MAST2: variants seen among roughly 807,000 people sequenced by gnomAD.
MAST2 encodes microtubule-associated serine/threonine-protein kinase 2.
Under a neutral mutation model 147.4 loss-of-function variants are expected in MAST2, and 70 were observed. That is an observed-to-expected ratio of 0.47 (90% confidence interval 0.39 to 0.58). The LOEUF is 0.58. Among genes scored for constraint, MAST2 ranks in the 20% least tolerant of loss-of-function variants. The pLI is 0.00. For missense variants in MAST2, 2,080 were observed against 2,302.3 expected (o/e 0.90, Z 1.98); for synonymous variants, 869 against 896.8 (o/e 0.97, Z 0.55).
intron 4 of MAST2, among the ~76,000 whole-genome samples, chr1:45,886,313 T>TACACAC (rs56032969): frequency 1.6e-3 from 231 of 145,588 alleles, no homozygotes; most frequent in African/African-American, 5.5e-3. Flanking sequence ...TATCTATAAG[T>TACACAC]ACACACACAC....
intron 4 of MAST2, among the ~76,000 whole-genome samples, chr1:45,898,022 T>C (rs1471740886): frequency 6.6e-6 from 1 of 151,894 alleles, no homozygotes; most frequent in African/African-American, 2.4e-5. Flanking sequence ...GGTGGGAGAA[T>C]CGCTTGAACC....
intron 4 of MAST2, among the ~76,000 whole-genome samples, chr1:45,953,721 G>A (rs955180060): frequency 2.6e-5 from 4 of 152,194 alleles, no homozygotes; most frequent in Non-Finnish European, 1.5e-5. Flanking sequence ...GGAAGGTTTT[G>A]AGCAGAGGAA....
intron 4 of MAST2, among the ~76,000 whole-genome samples, chr1:45,946,199 A>G (rs896924190): frequency 1.3e-5 from 2 of 152,094 alleles, no homozygotes; most frequent in Non-Finnish European, 1.5e-5. Flanking sequence ...TTTTTCTCCT[A>G]TCTCTTTTAC....
At chr1:45,899,335 G>A (rs1426525175) in intron 4 of MAST2, among the ~76,000 whole-genome samples, 1 of 87,466 alleles carries the variant, frequency 1.1e-5, no homozygotes, top group African/African-American at 4.4e-5. Context: ...TTTAGATTCA[G>A]GGGTACATGT....
chr1:46,035,043 G>C lies in MAST2; in HGVS notation c.4374G>C (p.Leu1458=). Residue 1458 remains leucine (L), a synonymous_variant, in exon 29 of 29, where the codon CTG becomes CTC. Coordinates refer to ENST00000361297, the MANE Select transcript of MAST2 (RefSeq NM_015112.3). The surrounding 1 kb of genome is among the most constrained non-coding windows in gnomAD (Gnocchi z 5.5). ...AGGTAGTTGGAGCCAGGAGTGTGCT[G>C]TCTGGCAAGGGGGCCCTGCCAGGGA... The part of the protein sequence containing the change: ...PLEVVGARSV[L]SGKGALPGKG... The C allele has an allele frequency of 4.3e-6, 7 of 1,613,938 alleles. No individual in the cohort carries two copies. The highest frequency in any genetic ancestry group is 5.9e-6 in the Non-Finnish European group (7 of 1,180,004).
At position 45,950,493 on chromosome 1, in the gene MAST2, C is replaced by T. The variant is rs187926944; in HGVS notation, c.501-8893C>T. 1.7e-4 allele frequency among the ~76,000 whole-genome samples: 26 copies of T among 152,234 alleles called. No individual in the cohort carries two copies. In the East Asian group the frequency reaches 3.3e-3, roughly 19 times the overall value. ...AATAGGGCTTTTAATAAAGGAAAGA[C>T]GTCTCCCTTGAAAATTTCTACCTGT... On this transcript the variant is annotated intron_variant, in intron 4 of 28. Coordinates refer to ENST00000361297, the MANE Select transcript of MAST2 (RefSeq NM_015112.3).
intron 2 of MAST2, among the ~76,000 whole-genome samples, chr1:45,827,510 G>A (rs1385546360): frequency 6.6e-6 from 1 of 152,122 alleles, no homozygotes; most frequent in Non-Finnish European, 1.5e-5. Flanking sequence ...AATAGGATAA[G>A]TTAAGCTGAC....
At chr1:45,880,752 G>A (rs542590360) in intron 3 of MAST2, among the ~76,000 whole-genome samples, 1 of 152,146 alleles carries the variant, frequency 6.6e-6, no homozygotes, top group South Asian at 2.1e-4. Context: ...AGACCAAGGT[G>A]GGAGGATCAC....
At position 45,847,360 on chromosome 1, in the gene MAST2, A is replaced by G. The variant is rs116508319; in HGVS notation, c.468+17779A>G. On this transcript the variant is annotated intron_variant, in intron 3 of 28. Transcript: ENST00000361297. ...TCCAACTCACTGCTAAATCAATTTA[A>G]TTTAAGTACCTTTCAGTTAGTTCAC... The G allele has an allele frequency of 2.8e-3, 1,426 of 501,760 alleles. 19 individuals carry two copies. The highest frequency in any genetic ancestry group is 0.026 in the African/African-American group (1,324 of 50,250). The allele number at this position is 501,760 out of a possible 1,614,324, so 31.1% of individuals were successfully genotyped here.
chr1:45,943,224 C>T (rs956262862), intron 4 of MAST2, among the ~76,000 whole-genome samples: 3 of 152,128 alleles, frequency 2.0e-5, no homozygotes, highest in African/African-American at 7.2e-5. Context: ...ATGGGTGGGA[C>T]AAATTAGCAG....
chr1:45,814,558 G>T (rs1183494652), intron 1 of MAST2, among the ~76,000 whole-genome samples: 8 of 152,146 alleles, frequency 5.3e-5, no homozygotes, highest in Admixed American at 3.9e-4. Context: ...ACACCAAGGC[G>T]GGTGTATCAC....
intron 4 of MAST2, among the ~76,000 whole-genome samples, chr1:45,893,531 G>A (rs1276017291): frequency 1.3e-5 from 2 of 150,808 alleles, no homozygotes; most frequent in South Asian, 2.1e-4. Flanking sequence ...GTGAGCCACC[G>A]CACCTGGCCA....
intron 3 of MAST2, among the ~76,000 whole-genome samples, chr1:45,836,465 A>G (rs1645103762): frequency 1.3e-5 from 2 of 152,140 alleles, no homozygotes; most frequent in Non-Finnish European, 2.9e-5. Flanking sequence ...TTTAATTTAT[A>G]TTATTTTAGT....
intron 3 of MAST2, among the ~76,000 whole-genome samples, chr1:45,880,481 G>A (rs1480909632): frequency 6.6e-6 from 1 of 152,140 alleles, no homozygotes; most frequent in African/African-American, 2.4e-5. Context: ...TTTTGATAGA[G>A]ATTTAGGTTA....
intron 3 of MAST2, among the ~76,000 whole-genome samples, chr1:45,836,591 T>A (rs1458496647): frequency 6.6e-6 from 1 of 152,192 alleles, no homozygotes. Flanking sequence ...GATTCCAAAT[T>A]CAGCACTTCC....
chr1:45,825,219 G>T (rs2148709947), intron 2 of MAST2, among the ~76,000 whole-genome samples: 1 of 152,208 alleles, frequency 6.6e-6, no homozygotes, highest in East Asian at 1.9e-4. Flanking sequence ...TAGAGACGGG[G>T]TTTCACTGTG....
At chr1:45,975,622 C>T (rs1180555321) in intron 5 of MAST2, among the ~76,000 whole-genome samples, 5 of 148,476 alleles carry the variant, frequency 3.4e-5, no homozygotes, top group Admixed American at 6.7e-5. Context: ...CAGTAAGCCG[C>T]GGTCACGCCA....
intron 4 of MAST2, among the ~76,000 whole-genome samples, chr1:45,927,698 C>G (rs1654620905): frequency 1.3e-5 from 2 of 152,146 alleles, no homozygotes; most frequent in South Asian, 2.1e-4. Context: ...GCAGTTAACA[C>G]AGTTATCACA....
At chr1:45,805,699 T>C (rs1644122108) in intron 1 of MAST2, among the ~76,000 whole-genome samples, 3 of 152,248 alleles carry the variant, frequency 2.0e-5, no homozygotes, top group Admixed American at 2.0e-4. Flanking sequence ...TTAGCTTCAG[T>C]CTCAGAGAAA....
Sources: allele counts gnomAD v4.1 joint callset (sites outside exome capture counted in the v4.1 genomes callset), GRCh38; gene constraint gnomAD v4.1.1; non-coding constraint Gnocchi (gnomAD v3.1); transcripts MANE v1.5; gene names NCBI Gene and HGNC (gene_info 2026-07-23, HGNC 2026-07-21).